The following TNFAIP8 variants were observed in gnomAD, a reference collection of about 807,000 sequenced individuals.
TNFAIP8 encodes tumor necrosis factor alpha-induced protein 8.
In TNFAIP8, 7 loss-of-function variants were observed where a neutral mutation model predicts 13.3. That is an observed-to-expected ratio of 0.52 (90% confidence interval 0.30 to 0.99). The LOEUF (loss-of-function observed/expected upper bound fraction) is 0.99. Ranked by LOEUF, TNFAIP8 falls within the 50% of genes least tolerant of loss-of-function variation. The probability of loss-of-function intolerance (pLI) is 0.07; values close to 1 mark genes in which losing one functional copy is unlikely to be tolerated. For synonymous variants in TNFAIP8, 94 were observed against 87.6 expected (o/e 1.07, Z -0.41); for missense variants, 258 against 236.9 (o/e 1.09, Z -0.58).
chr5:119,336,748 C>T (rs1750562834), intron 1 of TNFAIP8, among the ~76,000 whole-genome samples: 1 of 152,078 alleles, frequency 6.6e-6, no homozygotes, highest in South Asian at 2.1e-4. Flanking sequence ...GTTTGATCAC[C>T]CCATTCTCAG....
chr5:119,383,624 ACTT>A (rs1208736855), intron 1 of TNFAIP8, among the ~76,000 whole-genome samples: 2 of 152,094 alleles, frequency 1.3e-5, no homozygotes, highest in African/African-American at 2.4e-5. Context: ...AGCCTCCAAG[ACTT>A]CTTTGCACTG....
chr5:119,290,520 G>A (rs72786116), intron 1 of TNFAIP8, among the ~76,000 whole-genome samples: 13,035 of 152,170 alleles, frequency 0.086, 780 homozygotes, highest in African/African-American at 0.17. Context: ...TGATCCAAGG[G>A]AACATAAGGT....
chr5:119,276,332 G>T (rs1197501595), intron 1 of TNFAIP8, among the ~76,000 whole-genome samples: 2 of 152,024 alleles, frequency 1.3e-5, no homozygotes, highest in African/African-American at 4.8e-5. Flanking sequence ...TGGCCAGGCT[G>T]GTCTCGAACT....
intron 1 of TNFAIP8, among the ~76,000 whole-genome samples, chr5:119,329,590 T>C (rs994680035): frequency 2.0e-5 from 3 of 152,226 alleles, no homozygotes; most frequent in Non-Finnish European, 4.4e-5. Context: ...CGATATGATA[T>C]GAAGAGAAAA....
intron 1 of TNFAIP8, among the ~76,000 whole-genome samples, chr5:119,296,595 GT>G (rs1345161817): frequency 6.6e-6 from 1 of 152,074 alleles, no homozygotes; most frequent in East Asian, 1.9e-4. Flanking sequence ...CTCTTTTTTG[GT>G]TGTGCCTGTG....
At chr5:119,377,297 G>A (rs1752320217) in intron 1 of TNFAIP8, among the ~76,000 whole-genome samples, 1 of 151,980 alleles carries the variant, frequency 6.6e-6, no homozygotes, top group African/African-American at 2.4e-5. Context: ...CAGCTACTTA[G>A]GAGGCTGAGG....
chr5:119,379,571 C>G (rs184939360), intron 1 of TNFAIP8, among the ~76,000 whole-genome samples: 1 of 151,936 alleles, frequency 6.6e-6, no homozygotes, highest in African/African-American at 2.4e-5. Flanking sequence ...GACCTGTGCT[C>G]CTTCATTTGA....
chr5:119,307,813 CTAATT>C (rs1389431536), intron 1 of TNFAIP8, among the ~76,000 whole-genome samples: 1 of 152,104 alleles, frequency 6.6e-6, no homozygotes, highest in African/African-American at 2.4e-5. Flanking sequence ...GGAAATTATT[CTAATT>C]TAATAGTGAG....
intron 1 of TNFAIP8, among the ~76,000 whole-genome samples, chr5:119,310,814 G>A (rs905087628): frequency 1.3e-5 from 2 of 152,024 alleles, no homozygotes; most frequent in South Asian, 2.1e-4. Context: ...GTGACAGATC[G>A]AGACTCCACC....
At chr5:119,358,489 T>G (rs1159888148) in intron 1 of TNFAIP8, among the ~76,000 whole-genome samples, 1 of 152,208 alleles carries the variant, frequency 6.6e-6, no homozygotes, top group East Asian at 1.9e-4. Flanking sequence ...TGATTGTGCT[T>G]GGGTATTAAA....
chr5:119,389,761 A>G (rs937617133), intron 1 of TNFAIP8, among the ~76,000 whole-genome samples: 1 of 152,244 alleles, frequency 6.6e-6, no homozygotes, highest in Non-Finnish European at 1.5e-5. Flanking sequence ...CTTCACTGGA[A>G]TAACCCAAAG....
chr5:119,380,384 G>T (rs1472163893), intron 1 of TNFAIP8, among the ~76,000 whole-genome samples: 1 of 152,182 alleles, frequency 6.6e-6, no homozygotes, highest in Non-Finnish European at 1.5e-5. Context: ...AATGTTACTG[G>T]TTTTCTAAGC....
At chr5:119,271,201 G>A (rs1333388164) in intron 1 of TNFAIP8, among the ~76,000 whole-genome samples, 3 of 152,188 alleles carry the variant, frequency 2.0e-5, no homozygotes, top group Non-Finnish European at 4.4e-5. Flanking sequence ...TGAAATGGAG[G>A]AAAGGGTGTG....
upstream of TNFAIP8, chr5:119,355,698 CT>C (rs1751369900): frequency 2.8e-4 from 85 of 299,302 alleles, no homozygotes; most frequent in Middle Eastern, 9.0e-4. Flanking sequence ...CTTTTTATAC[CT>C]TTTTTTCCGC....
chr5:119,364,722 A>G (rs984263374), intron 1 of TNFAIP8, among the ~76,000 whole-genome samples: 3 of 151,678 alleles, frequency 2.0e-5, no homozygotes, highest in Non-Finnish European at 4.4e-5. Context: ...GACCAAATGT[A>G]TATTTCTTAC....
At chr5:119,355,303 A>G (rs3813309), upstream of TNFAIP8, 503,512 of 701,050 alleles carry the variant, frequency 0.72, 183,407 homozygotes, top group African/African-American at 0.93. Flanking sequence ...AACTGCAGCA[A>G]TGAGTGCCCG....
intron 1 of TNFAIP8, among the ~76,000 whole-genome samples, chr5:119,351,000 G>C (rs1336541452): frequency 2.5e-4 from 13 of 52,942 alleles, no homozygotes; most frequent in East Asian, 1.3e-3. Flanking sequence ...GTCTCACTCT[G>C]TGTGTGTGTG....
At chr5:119,363,213 G>A (rs1327642527) in intron 1 of TNFAIP8, among the ~76,000 whole-genome samples, 2 of 152,228 alleles carry the variant, frequency 1.3e-5, no homozygotes, top group African/African-American at 4.8e-5. Flanking sequence ...GTAGAGAAGA[G>A]CTGCTGAAGA....
chr5:119,298,409 T>G (rs1417964637), intron 1 of TNFAIP8, among the ~76,000 whole-genome samples: 1 of 152,022 alleles, frequency 6.6e-6, no homozygotes, highest in Non-Finnish European at 1.5e-5. Flanking sequence ...GAAAATTCTT[T>G]TCTTTAAGAA....
Sources: gnomAD v4.1 joint callset for allele counts (sites outside exome capture counted in the v4.1 genomes callset) on GRCh38, gnomAD v4.1.1 for gene constraint, MANE v1.5 for transcripts, NCBI Gene and HGNC (gene_info 2026-07-23, HGNC 2026-07-21) for gene names.